Variants in RUNX2 observed in about 807,000 individuals in gnomAD.
RUNX2 encodes RUNX family transcription factor 2.
RUNX2 carries 10 observed loss-of-function variants against 51.7 expected under a neutral mutation model. The observed-to-expected ratio is 0.19, with a 90% CI of 0.12 to 0.33. The LOEUF is 0.33. Among genes scored for constraint, RUNX2 ranks in the 10% least tolerant of loss-of-function variants. RUNX2 has a pLI of 1.00. For synonymous variants in RUNX2, 276 were observed against 273.6 expected (o/e 1.01, Z -0.09); for missense variants, 562 against 691.3 (o/e 0.81, Z 2.10).
intron 5 of RUNX2, among the ~76,000 whole-genome samples, chr6:45,463,185 A>G (rs1582137834): frequency 6.6e-6 from 1 of 152,220 alleles, no homozygotes. Flanking sequence ...TCTTGTAAGC[A>G]CAGGAAATAA....
intron 2 of RUNX2, among the ~76,000 whole-genome samples, chr6:45,344,863 C>A (rs1790528465): frequency 6.6e-6 from 1 of 152,122 alleles, no homozygotes; most frequent in African/African-American, 2.4e-5. Context: ...GACGGTAAAA[C>A]TAATGGTACA....
At chr6:45,514,937 G>GTT (rs60322978) in intron 7 of RUNX2, among the ~76,000 whole-genome samples, 15 of 141,268 alleles carry the variant, frequency 1.1e-4, no homozygotes, top group African/African-American at 2.8e-4. Context: ...TTTAATTTGG[G>GTT]TTTTTTTTTT....
intron 5 of RUNX2, among the ~76,000 whole-genome samples, chr6:45,446,217 G>T (rs1364403827): frequency 1.3e-5 from 2 of 152,168 alleles, no homozygotes; most frequent in Non-Finnish European, 2.9e-5. Context: ...CTGAATATGC[G>T]TTTTCATTGT....
intron 7 of RUNX2, among the ~76,000 whole-genome samples, chr6:45,543,434 AC>A (rs1432803717): frequency 1.3e-5 from 2 of 152,192 alleles, no homozygotes; most frequent in Non-Finnish European, 2.9e-5. Context: ...TCCCCAAACC[AC>A]CTTTGGCTTT....
chr6:45,390,367 C>T (rs968540874), intron 2 of RUNX2, among the ~76,000 whole-genome samples: 3 of 152,210 alleles, frequency 2.0e-5, no homozygotes, highest in African/African-American at 7.2e-5. Context: ...GGCCGTCTTC[C>T]TTGGCAGTAC....
At chr6:45,442,416 G>A (rs1798867739) in intron 5 of RUNX2, among the ~76,000 whole-genome samples, 1 of 152,078 alleles carries the variant, frequency 6.6e-6, no homozygotes, top group African/African-American at 2.4e-5. Context: ...TTGAAACATC[G>A]GTTTCTATTA....
intron 2 of RUNX2, among the ~76,000 whole-genome samples, chr6:45,362,677 T>C (rs1342691088): frequency 3.3e-5 from 5 of 152,104 alleles, no homozygotes; most frequent in Non-Finnish European, 5.9e-5. Context: ...CTATTAGGAG[T>C]GGCCTCTCTA....
chr6:45,547,361 A>G lies in RUNX2; in HGVS notation c.*56A>G, dbSNP rs1014171607. 1.4e-5 allele frequency: 18 copies of G among 1,274,798 alleles called. No individual in the cohort carries two copies. The highest frequency in any genetic ancestry group is 2.1e-5 in the Non-Finnish European group (18 of 873,550). The allele number at this position is 1,274,798 out of a possible 1,614,324, so 79.0% of individuals were successfully genotyped here. ...GGGGCCACATCCCACACGTATCAAT[A>G]TATACATATATAGAGAGAGTGCATA... is the stretch of plus-strand genomic sequence containing the variant. On this transcript the variant is annotated 3_prime_UTR_variant, in exon 9 of 9. Coordinates refer to ENST00000647337, the MANE Select transcript of RUNX2 (RefSeq NM_001024630.4).
intron 2 of RUNX2, among the ~76,000 whole-genome samples, chr6:45,403,229 C>CTTTTTTT (rs201142802): frequency 1.8e-5 from 2 of 108,824 alleles, no homozygotes; most frequent in Non-Finnish European, 3.9e-5. Flanking sequence ...GTTTGAGTTT[C>CTTTTTTT]TTTTTTTTTT....
intron 2 of RUNX2, 58 bp downstream of exon 2, chr6:45,328,842 T>C (rs1225683459): frequency 3.3e-6 from 5 of 1,533,882 alleles, no homozygotes; most frequent in Non-Finnish European, 4.5e-6. Context: ...CATAAAGGTA[T>C]GATTCTTTGA....
At chr6:45,373,643 C>T (rs1194525856) in intron 2 of RUNX2, among the ~76,000 whole-genome samples, 5 of 152,056 alleles carry the variant, frequency 3.3e-5, no homozygotes, top group Admixed American at 6.5e-5. Flanking sequence ...CTCCGCCTCC[C>T]GGGTTCAAGC....
At chr6:45,382,527 A>G (rs143328774) in intron 2 of RUNX2, among the ~76,000 whole-genome samples, 1 of 152,342 alleles carries the variant, frequency 6.6e-6, no homozygotes, top group Non-Finnish European at 1.5e-5. Context: ...ATATCTGAAG[A>G]AAGAGCATTC....
chr6:45,495,298 C>T (rs921648993), intron 6 of RUNX2, among the ~76,000 whole-genome samples: 6 of 152,194 alleles, frequency 3.9e-5, no homozygotes, highest in Non-Finnish European at 8.8e-5. Flanking sequence ...GAGAAGCAAT[C>T]GGTGCAATAA....
At chr6:45,454,367 G>A (rs997774011) in intron 5 of RUNX2, among the ~76,000 whole-genome samples, 1 of 152,192 alleles carries the variant, frequency 6.6e-6, no homozygotes, top group Non-Finnish European at 1.5e-5. Flanking sequence ...GACACTGAAG[G>A]ATGAAATGTA....
intron 2 of RUNX2, among the ~76,000 whole-genome samples, chr6:45,402,645 T>C (rs1797738067): frequency 1.3e-5 from 2 of 152,164 alleles, no homozygotes; most frequent in African/African-American, 4.8e-5. Context: ...GGCAGGAGGA[T>C]TGCTTGAGGC....
chr6:45,328,640 G>T, intron 1 of RUNX2, 21 bp from the exon 2 acceptor site: 1 of 1,610,142 alleles, frequency 6.2e-7, no homozygotes, highest in South Asian at 1.1e-5. Flanking sequence ...AACAAGGTTT[G>T]GGTATGGTTT....
intron 5 of RUNX2, among the ~76,000 whole-genome samples, chr6:45,452,119 GT>G (rs1473227591): frequency 6.6e-6 from 1 of 152,194 alleles, no homozygotes; most frequent in Non-Finnish European, 1.5e-5. Flanking sequence ...CATTTGATTT[GT>G]ATATTCCAGA....
intron 7 of RUNX2, among the ~76,000 whole-genome samples, chr6:45,540,053 C>T (rs548538612): frequency 1.4e-4 from 22 of 152,142 alleles, no homozygotes; most frequent in Non-Finnish European, 2.8e-4. Flanking sequence ...GAGAGAAAAC[C>T]ATGGGTGCTG....
intron 2 of RUNX2, among the ~76,000 whole-genome samples, chr6:45,369,643 A>C (rs1423936610): frequency 6.6e-6 from 1 of 152,124 alleles, no homozygotes. Context: ...TTTAAAGCCA[A>C]CACCACCAGT....
Sources: gnomAD v4.1 joint callset for allele counts (sites outside exome capture counted in the v4.1 genomes callset) on GRCh38, gnomAD v4.1.1 for gene constraint, MANE v1.5 for transcripts, NCBI Gene and HGNC (gene_info 2026-07-23, HGNC 2026-07-21) for gene names.